DAB2IP: variants seen among roughly 807,000 people sequenced by gnomAD.
The protein encoded by DAB2IP is DAB2 interacting protein.
A neutral mutation model predicts 107.2 loss-of-function variants in DAB2IP; 28 were observed. The ratio of observed to expected loss-of-function variants is 0.26; its 90% CI spans 0.19 to 0.36. The LOEUF is 0.36. Ranked by LOEUF, DAB2IP falls within the 10% of genes least tolerant of loss-of-function variation. DAB2IP has a pLI of 1.00. For missense variants in DAB2IP, 1,400 were observed against 1,644.7 expected (o/e 0.85, Z 2.57); for synonymous variants, 755 against 706.4 (o/e 1.07, Z -1.09).
At chr9:121,670,102 A>C (rs1225957691) in intron 1 of DAB2IP, among the ~76,000 whole-genome samples, 1 of 152,168 alleles carries the variant, frequency 6.6e-6, no homozygotes, top group African/African-American at 2.4e-5. Flanking sequence ...AACCCCTGGC[A>C]ACCACTAATC....
rs1201350047 is a variant in DAB2IP, at chr9:121,634,977, GT to G, written c.41-43700del. On this transcript the variant is annotated intron_variant, in intron 1 of 16. Transcript: ENST00000259371. This position sits in a 1 kb window ranked among gnomAD's most constrained non-coding sequence, Gnocchi z 4.7. Reference sequence around the variant, plus strand: ...TTGATGCCTGATACCATGGGGCCCTGTGTGCCAGTGCGGCCCACCCAGCCTC... The same window carrying G: ...TTGATGCCTGATACCATGGGGCCCTGGTGCCAGTGCGGCCCACCCAGCCTC... Among the ~76,000 whole-genome samples the G allele has an allele frequency of 1.3e-5, 2 of 152,198 alleles. No homozygotes were observed. Among genetic ancestry groups the G allele is most frequent in the Non-Finnish European group, 2.9e-5 (2 of 68,034 alleles).
upstream of DAB2IP, among the ~76,000 whole-genome samples, chr9:121,649,222 G>GATCAGAGGGTTCCTGCTTTGGGAAACAAA (rs1357534861): frequency 7.6e-5 from 11 of 145,038 alleles, no homozygotes; most frequent in East Asian, 2.2e-4. Flanking sequence ...TTCACTAGCT[G>GATCAGAGGGTTCCTGCTTTGGGAAACAAA]ACCCTCCTTC....
At chr9:121,724,422 C>T (rs1458873134) in intron 3 of DAB2IP, among the ~76,000 whole-genome samples, 1 of 152,192 alleles carries the variant, frequency 6.6e-6, no homozygotes. Flanking sequence ...GTGAATCCAA[C>T]CACCCGGTCA....
At chr9:121,724,091 G>A (rs1043017414) in intron 3 of DAB2IP, among the ~76,000 whole-genome samples, 5 of 152,086 alleles carry the variant, frequency 3.3e-5, no homozygotes, top group Non-Finnish European at 7.4e-5. Flanking sequence ...TCATGCTGGC[G>A]CTTGAGGTGA....
chr9:121,649,443 A>G (rs577849194), upstream of DAB2IP, among the ~76,000 whole-genome samples: 2 of 147,680 alleles, frequency 1.4e-5, no homozygotes, highest in African/African-American at 4.9e-5. Flanking sequence ...GGCCCAGGCT[A>G]AGACCACTTG....
chr9:121,621,519 G>A (rs946052042), intron 1 of DAB2IP, among the ~76,000 whole-genome samples: 3 of 152,122 alleles, frequency 2.0e-5, no homozygotes, highest in Non-Finnish European at 2.9e-5. Context: ...CCCTCAGCCC[G>A]GTGCCTGCCT....
intron 9 of DAB2IP, among the ~76,000 whole-genome samples, chr9:121,767,915 C>T (rs1213228702): frequency 6.6e-6 from 1 of 152,114 alleles, no homozygotes; most frequent in Non-Finnish European, 1.5e-5. Flanking sequence ...GAGTTGACAG[C>T]TGCCAGAGAT....
intron 1 of DAB2IP, among the ~76,000 whole-genome samples, chr9:121,659,168 G>C (rs957754333): frequency 6.6e-6 from 1 of 152,222 alleles, no homozygotes; most frequent in Non-Finnish European, 1.5e-5. Context: ...AGAGAGTGGG[G>C]CCCAAGGGTG....
chr9:121,780,707 C>G (rs1405361420), intron 14 of DAB2IP, among the ~76,000 whole-genome samples: 2 of 152,184 alleles, frequency 1.3e-5, no homozygotes. Flanking sequence ...GAGTGCCCAG[C>G]AGTGAGAGTG....
intron 2 of DAB2IP, among the ~76,000 whole-genome samples, chr9:121,693,897 A>G (rs1406804569): frequency 6.6e-6 from 1 of 152,158 alleles, no homozygotes; most frequent in Non-Finnish European, 1.5e-5. Flanking sequence ...CTTTGAGACC[A>G]TTGGTGACGT....
At chr9:121,682,362 T>C (rs117142563) in intron 2 of DAB2IP, among the ~76,000 whole-genome samples, 11 of 152,318 alleles carry the variant, frequency 7.2e-5, no homozygotes, top group Non-Finnish European at 1.3e-4. Context: ...CAGCATCTCT[T>C]ACAGGGGTGC....
chr9:121,661,274 G>C lies in DAB2IP; in HGVS notation c.124+9375G>C, dbSNP rs140165794. On this transcript the variant is annotated intron_variant, in intron 1 of 15. Coordinates refer to ENST00000408936, the Ensembl canonical transcript of DAB2IP. ...TGGGGGAGAGGAGGTGTGGGGTGCA[G>C]AATAGGACAGGATTGGAGAAGTTTG... Among the ~76,000 whole-genome samples, 600 of 152,238 alleles carry C rather than the reference G, an allele frequency of 3.9e-3. 2 individuals are homozygous for C. The highest frequency in any genetic ancestry group is 0.013 in the African/African-American group (539 of 41,532).
At position 121,580,393 on chromosome 9, in the gene DAB2IP, C is replaced by T. The variant is rs114311964; in HGVS notation, c.40+13165C>T. Among the ~76,000 whole-genome samples the T allele has an allele frequency of 7.1e-3, 1,081 of 152,252 alleles. 12 individuals are homozygous for T. Among genetic ancestry groups the T allele is most frequent in the African/African-American group, 0.025 (1,040 of 41,524 alleles). On this transcript the variant is annotated intron_variant, in intron 1 of 16. Coordinates refer to the DAB2IP transcript ENST00000259371. Reference sequence around the variant, plus strand: ...GCTGACCTTAAAGATAACCAGAGACCTAAGGCCAGGTACAGTGGCTCGTGC... The same window carrying T: ...GCTGACCTTAAAGATAACCAGAGACTTAAGGCCAGGTACAGTGGCTCGTGC...
At chr9:121,607,981 C>T (rs931829230) in intron 1 of DAB2IP, among the ~76,000 whole-genome samples, 4 of 152,206 alleles carry the variant, frequency 2.6e-5, no homozygotes, top group South Asian at 2.1e-4. Context: ...GAGCCTTTCC[C>T]GGCAGAGGGA....
At chr9:121,668,921 T>TTG (rs1238493491) in intron 1 of DAB2IP, among the ~76,000 whole-genome samples, 2 of 145,754 alleles carry the variant, frequency 1.4e-5, no homozygotes, top group East Asian at 4.0e-4. Context: ...TTTTTTTTTT[T>TTG]TTTTTTTTTT....
chr9:121,782,266 C>G lies in DAB2IP; in HGVS notation c.3403-65C>G, dbSNP rs1046570497. On this transcript the variant is annotated intron_variant, in intron 15 of 15. Coordinates refer to ENST00000408936, the Ensembl canonical transcript of DAB2IP. The surrounding 1 kb of genome is among the most constrained non-coding windows in gnomAD (Gnocchi z 6.1). ...GGCCACCCCCTTCCCCGATGCTTGTCGTAGGTATACACAGCCCTAAGGAGC... is the reference window on the plus strand; with the variant it reads ...GGCCACCCCCTTCCCCGATGCTTGTGGTAGGTATACACAGCCCTAAGGAGC... 7 of 1,549,758 alleles carry G rather than the reference C, an allele frequency of 4.5e-6. No homozygotes were observed. Among genetic ancestry groups the G allele is most frequent in the African/African-American group, 1.4e-5 (1 of 73,350 alleles).
chr9:121,572,504 C>T lies in DAB2IP; in HGVS notation c.40+5276C>T, dbSNP rs1829968826. Among the ~76,000 whole-genome samples the T allele has an allele frequency of 3.3e-5, 5 of 152,296 alleles. No individual in the cohort carries two copies. In the South Asian group the frequency reaches 8.3e-4, roughly 25 times the overall value. ...AACTTGCTCCGCATCCTTAGGCATC[C>T]TCCCCGACTCTGGACTTCTGGTTCC... On this transcript the variant is annotated intron_variant, in intron 1 of 16. Transcript: ENST00000259371.
At chr9:121,611,314 T>C (rs1458775043) in intron 1 of DAB2IP, among the ~76,000 whole-genome samples, 1 of 152,084 alleles carries the variant, frequency 6.6e-6, no homozygotes, top group Non-Finnish European at 1.5e-5. Context: ...CAGAAATCTG[T>C]TGATGGCCAC....
At chr9:121,653,623 C>T (rs1044201586) in intron 1 of DAB2IP, among the ~76,000 whole-genome samples, 4 of 152,186 alleles carry the variant, frequency 2.6e-5, no homozygotes, top group African/African-American at 4.8e-5. Flanking sequence ...ACCCACCTCA[C>T]GTCACCTCAC....
Sources: gnomAD v4.1 joint callset for allele counts (sites outside exome capture counted in the v4.1 genomes callset) on GRCh38, gnomAD v4.1.1 for gene constraint, Gnocchi (gnomAD v3.1) non-coding constraint, MANE v1.5 for transcripts, NCBI Gene and HGNC (gene_info 2026-07-23, HGNC 2026-07-21) for gene names.